The following CDH18 variants were observed in gnomAD, a reference collection of about 807,000 sequenced individuals.
The protein encoded by CDH18 is cadherin-18.
CDH18 carries 31 observed loss-of-function variants against 67.9 expected under a neutral mutation model. The observed-to-expected ratio is 0.46, with a 90% CI of 0.34 to 0.62. The LOEUF is 0.62. Among genes scored for constraint, CDH18 ranks in the 20% least tolerant of loss-of-function variants. The pLI, the probability that CDH18 is intolerant of heterozygous loss-of-function variation, is 0.01. For missense variants in CDH18, 890 were observed against 975.5 expected, an observed-to-expected ratio of 0.91 and a Z score of 1.17; for synonymous variants, 362 against 347.2, an observed-to-expected ratio of 1.04 and a Z score of -0.48.
intron 2 of CDH18, among the ~76,000 whole-genome samples, chr5:20,172,226 A>ATG (rs1554098788): frequency 0.011 from 1,181 of 105,696 alleles, 22 homozygotes; most frequent in Non-Finnish European, 0.016. Context: ...ATATATATGT[A>ATG]TATATATATA....
At chr5:19,618,320 GTTC>G in intron 5 of CDH18, among the ~76,000 whole-genome samples, 1 of 151,404 alleles carries the variant, frequency 6.6e-6, no homozygotes, top group South Asian at 2.1e-4. Context: ...ATTCCCCTGC[GTTC>G]GCTTCCTGAG....
intron 10 of CDH18, among the ~76,000 whole-genome samples, chr5:19,504,126 G>A (rs1214988731): frequency 5.3e-5 from 8 of 152,094 alleles, no homozygotes; most frequent in Admixed American, 4.6e-4. Flanking sequence ...CCATTAGTTT[G>A]TCAGAAAGAT....
chr5:20,455,738 A>C (rs923872311), intron 1 of CDH18, among the ~76,000 whole-genome samples: 5 of 152,100 alleles, frequency 3.3e-5, no homozygotes, highest in African/African-American at 1.2e-4. Flanking sequence ...TAAACATTTA[A>C]ATTTTTTTAT....
At chr5:19,728,045 A>T (rs961038000) in intron 4 of CDH18, among the ~76,000 whole-genome samples, 6 of 152,156 alleles carry the variant, frequency 3.9e-5, no homozygotes, top group African/African-American at 1.2e-4. Context: ...AAAGAAAAAA[A>T]ATTATTACCC....
chr5:20,306,248 GAT>G (rs1388784677), intron 1 of CDH18, among the ~76,000 whole-genome samples: 3 of 152,114 alleles, frequency 2.0e-5, no homozygotes, highest in African/African-American at 7.2e-5. Context: ...ACAGCATTTT[GAT>G]GTTATGTTCA....
intron 1 of CDH18, among the ~76,000 whole-genome samples, chr5:20,342,945 T>C (rs1219204314): frequency 2.0e-5 from 3 of 152,124 alleles, no homozygotes; most frequent in Non-Finnish European, 4.4e-5. Context: ...CCAGAAGATA[T>C]ACCCTTCACC....
intron 2 of CDH18, among the ~76,000 whole-genome samples, chr5:20,034,458 T>A (rs1214841090): frequency 6.6e-6 from 1 of 152,060 alleles, no homozygotes; most frequent in African/African-American, 2.4e-5. Flanking sequence ...CCCAGATATT[T>A]GGTTAAACAT....
At chr5:20,300,452 C>A (rs1747887320) in intron 1 of CDH18, among the ~76,000 whole-genome samples, 1 of 151,934 alleles carries the variant, frequency 6.6e-6, no homozygotes, top group African/African-American at 2.4e-5. Flanking sequence ...TCTCATGTCC[C>A]ACTAGGTTTG....
intron 1 of CDH18, among the ~76,000 whole-genome samples, chr5:20,553,837 T>C (rs1021612557): frequency 1.3e-5 from 2 of 152,184 alleles, no homozygotes; most frequent in African/African-American, 4.8e-5. Flanking sequence ...ATACATAGTA[T>C]CTTTCTCTAG....
intron 1 of CDH18, among the ~76,000 whole-genome samples, chr5:20,398,488 T>G (rs908133314): frequency 6.6e-6 from 1 of 152,154 alleles, no homozygotes; most frequent in Non-Finnish European, 1.5e-5. Flanking sequence ...ACCAAGGGCT[T>G]CACTTTGTAT....
intron 1 of CDH18, among the ~76,000 whole-genome samples, chr5:20,501,268 T>C (rs1233074931): frequency 6.6e-6 from 1 of 151,484 alleles, no homozygotes; most frequent in Non-Finnish European, 1.5e-5. Context: ...AATATCCATG[T>C]GTAGTCACAT....
chr5:20,424,347 A>G (rs1748111681), intron 1 of CDH18, among the ~76,000 whole-genome samples: 1 of 150,976 alleles, frequency 6.6e-6, no homozygotes, highest in African/African-American at 2.5e-5. Context: ...GCACCATCAT[A>G]TTATCATACA....
At chr5:19,782,051 T>C (rs570954270) in intron 3 of CDH18, among the ~76,000 whole-genome samples, 2 of 152,286 alleles carry the variant, frequency 1.3e-5, no homozygotes, top group African/African-American at 4.8e-5. Flanking sequence ...GATATATGGA[T>C]GCAAAAATAA....
chr5:20,500,215 A>C (rs1581114184), intron 1 of CDH18, among the ~76,000 whole-genome samples: 1 of 152,140 alleles, frequency 6.6e-6, no homozygotes, highest in Non-Finnish European at 1.5e-5. Flanking sequence ...TCAAACAATT[A>C]AATTGCTGGT....
At chr5:19,895,321 G>C (rs1341674317) in intron 2 of CDH18, among the ~76,000 whole-genome samples, 2 of 152,146 alleles carry the variant, frequency 1.3e-5, no homozygotes, top group East Asian at 3.9e-4. Flanking sequence ...CACAAATGCT[G>C]AGCTTGATCT....
chr5:20,431,504 A>AAAAAAAAAAAGAAGAAG (rs536468948), intron 1 of CDH18, among the ~76,000 whole-genome samples: 1 of 138,744 alleles, frequency 7.2e-6, no homozygotes, highest in African/African-American at 2.7e-5. Context: ...AAAAAAAAAA[A>AAAAAAAAAAAGAAGAAG]AAGAAGAAGA....
chr5:20,537,942 T>C (rs1347067899), intron 1 of CDH18, among the ~76,000 whole-genome samples: 1 of 152,196 alleles, frequency 6.6e-6, no homozygotes, highest in Non-Finnish European at 1.5e-5. Context: ...CACAAATCAA[T>C]TTTAAATTTA....
At chr5:20,083,438 G>A (rs1180245460) in intron 2 of CDH18, among the ~76,000 whole-genome samples, 1 of 152,052 alleles carries the variant, frequency 6.6e-6, no homozygotes, top group Admixed American at 6.6e-5. Context: ...GTGGCAACCT[G>A]CATTGAGAGC....
chr5:19,944,633 CTTA>C (rs1795126621), intron 2 of CDH18, among the ~76,000 whole-genome samples: 1 of 152,120 alleles, frequency 6.6e-6, no homozygotes, highest in African/African-American at 2.4e-5. Context: ...AGCTACCTGT[CTTA>C]TTAATATCAG....
Sources: allele counts gnomAD v4.1 joint callset (sites outside exome capture counted in the v4.1 genomes callset), GRCh38; gene constraint gnomAD v4.1.1; transcripts MANE v1.5; gene names NCBI Gene and HGNC (gene_info 2026-07-23, HGNC 2026-07-21).